NALF1: variants seen among roughly 807,000 people sequenced by gnomAD.
NALF1 encodes family with sequence similarity 155 member A.
NALF1 carries 3 observed loss-of-function variants against 48.4 expected under a neutral mutation model. The ratio of observed to expected loss-of-function variants is 0.06; its 90% CI spans 0.03 to 0.16. The LOEUF (loss-of-function observed/expected upper bound fraction) is 0.16. NALF1 is among the 10% of genes least tolerant of loss of function. NALF1 has a pLI of 1.00. For missense variants in NALF1, 526 were observed against 571.5 expected (o/e 0.92, Z 0.81); for synonymous variants, 262 against 245.7 (o/e 1.07, Z -0.62).
intron 1 of NALF1, among the ~76,000 whole-genome samples, chr13:107,440,214 A>G (rs139187224): frequency 1.3e-5 from 2 of 152,310 alleles, no homozygotes; most frequent in African/African-American, 4.8e-5. Flanking sequence ...AATACAATTA[A>G]ACACTTTGTC....
At chr13:107,721,670 G>A (rs189735931) in intron 1 of NALF1, among the ~76,000 whole-genome samples, 7 of 152,246 alleles carry the variant, frequency 4.6e-5, no homozygotes, top group Non-Finnish European at 1.0e-4. Context: ...TTTTCTGGCA[G>A]AATCCAAACA....
At chr13:107,840,191 T>C (rs1484077139) in intron 1 of NALF1, among the ~76,000 whole-genome samples, 2 of 152,152 alleles carry the variant, frequency 1.3e-5, no homozygotes, top group South Asian at 2.1e-4. Flanking sequence ...CATGCAACTA[T>C]ACGAATAGGA....
chr13:107,411,402 C>T (rs1476550578), intron 1 of NALF1, among the ~76,000 whole-genome samples: 1 of 151,314 alleles, frequency 6.6e-6, no homozygotes, highest in African/African-American at 2.4e-5. Flanking sequence ...CCCTTGACCT[C>T]CTATGCTCAA....
rs139895262 is a variant in NALF1, at chr13:107,590,820, T to C, written c.915+274862A>G. On this transcript the variant is annotated intron_variant, in intron 1 of 2. Transcript: ENST00000375915. Reference sequence around the variant, plus strand: ...CCAAGCACCTTTCTCATGTACAGTTTTGATGACTCTCCTGCTCAATCATCA... The same window carrying C: ...CCAAGCACCTTTCTCATGTACAGTTCTGATGACTCTCCTGCTCAATCATCA... 4.9e-4 allele frequency among the ~76,000 whole-genome samples: 74 copies of C among 152,104 alleles called. 3 individuals are homozygous for C. The East Asian group carries it at 0.012, about 24-fold the overall frequency.
rs5806653 is a variant in NALF1, at chr13:107,401,692, G to GA, written c.916-190938dup. Among the ~76,000 whole-genome samples, 204 of 147,390 alleles carry GA rather than the reference G, an allele frequency of 1.4e-3. 3 individuals carry two copies. Among genetic ancestry groups the GA allele is most frequent in the African/African-American group, 3.8e-3 (152 of 40,382 alleles). On this transcript the variant is annotated intron_variant, in intron 1 of 2. Transcript: ENST00000375915. Reference sequence around the variant, plus strand: ...ACCCAACAGAAATAGTTGTTACTTTGAAAAAAAAAAAACAATGTTGAATTT... The same window carrying GA: ...ACCCAACAGAAATAGTTGTTACTTTGAAAAAAAAAAAAACAATGTTGAATTT...
chr13:107,339,970 C>T (rs1882637049), intron 1 of NALF1, among the ~76,000 whole-genome samples: 1 of 152,072 alleles, frequency 6.6e-6, no homozygotes, highest in Admixed American at 6.6e-5. Context: ...TCAATTCTCT[C>T]ATTATATTTC....
intron 1 of NALF1, among the ~76,000 whole-genome samples, chr13:107,579,305 G>A (rs545021587): frequency 1.6e-4 from 24 of 152,190 alleles, no homozygotes; most frequent in Non-Finnish European, 2.4e-4. Context: ...TGGCAAGACC[G>A]GTCTTGAACT....
intron 1 of NALF1, among the ~76,000 whole-genome samples, chr13:107,674,239 C>G (rs908460855): frequency 6.6e-6 from 1 of 152,016 alleles, no homozygotes; most frequent in African/African-American, 2.4e-5. Flanking sequence ...CCAGATATAA[C>G]CCACAAACAA....
intron 1 of NALF1, among the ~76,000 whole-genome samples, chr13:107,767,929 A>G (rs941948313): frequency 1.3e-5 from 2 of 152,158 alleles, no homozygotes; most frequent in African/African-American, 4.8e-5. Flanking sequence ...TGAAGTAGAG[A>G]CACGTTGAGA....
intron 2 of NALF1, among the ~76,000 whole-genome samples, chr13:107,180,713 GTTCT>G (rs1329164936): frequency 3.3e-5 from 5 of 151,584 alleles, no homozygotes; most frequent in East Asian, 1.9e-4. Flanking sequence ...CTACTTTGCT[GTTCT>G]TTGACTTTCC....
At chr13:107,847,176 AAATTT>A (rs1432969961) in intron 1 of NALF1, among the ~76,000 whole-genome samples, 1 of 152,190 alleles carries the variant, frequency 6.6e-6, no homozygotes, top group Non-Finnish European at 1.5e-5. Flanking sequence ...ATGCCTAATA[AAATTT>A]AATTTACCTA....
At chr13:107,718,827 A>C (rs1875899351) in intron 1 of NALF1, among the ~76,000 whole-genome samples, 1 of 152,212 alleles carries the variant, frequency 6.6e-6, no homozygotes, top group Admixed American at 6.5e-5. Context: ...TAACATTAAA[A>C]ATTCATTTCC....
At chr13:107,195,929 A>C (rs1879380419) in intron 2 of NALF1, among the ~76,000 whole-genome samples, 1 of 152,236 alleles carries the variant, frequency 6.6e-6, no homozygotes, top group African/African-American at 2.4e-5. Context: ...GGCTAGATGA[A>C]GAAAACGTGG....
At position 107,683,161 on chromosome 13, in the gene NALF1, T is replaced by C. The variant is rs76688707; in HGVS notation, c.915+182521A>G. 2.9e-3 allele frequency among the ~76,000 whole-genome samples: 435 copies of C among 152,078 alleles called. 2 individuals are homozygous for C. Among genetic ancestry groups the C allele is most frequent in the African/African-American group, 0.01 (417 of 41,492 alleles). On this transcript the variant is annotated intron_variant, in intron 1 of 2. Coordinates refer to ENST00000375915, the MANE Select transcript of NALF1 (RefSeq NM_001080396.3). ...ACCTGTGGTCCTAGCAGTGGGAGGA[T>C]TGCTTGAGCCAGGGAGGTCGAGGCT...
chr13:107,726,460 T>A (rs1412182514), intron 1 of NALF1, among the ~76,000 whole-genome samples: 1 of 152,152 alleles, frequency 6.6e-6, no homozygotes, highest in African/African-American at 2.4e-5. Context: ...TCACACTAGA[T>A]ACATGATACT....
intron 1 of NALF1, among the ~76,000 whole-genome samples, chr13:107,766,468 G>T (rs1024397456): frequency 2.0e-5 from 3 of 152,118 alleles, no homozygotes; most frequent in Non-Finnish European, 4.4e-5. Flanking sequence ...CTACAAGATT[G>T]ACTGAAACGC....
intron 1 of NALF1, among the ~76,000 whole-genome samples, chr13:107,759,625 G>A (rs977454042): frequency 7.2e-5 from 11 of 152,166 alleles, no homozygotes; most frequent in Non-Finnish European, 1.3e-4. Flanking sequence ...GCTAATTCCA[G>A]TCTTCAACAT....
chr13:107,340,505 CTTTT>C (rs1882659410), intron 1 of NALF1, among the ~76,000 whole-genome samples: 2 of 135,570 alleles, frequency 1.5e-5, no homozygotes, highest in Non-Finnish European at 3.1e-5. Flanking sequence ...TTCTTTCTTT[CTTTT>C]CTTTCTTTCT....
At chr13:107,470,089 G>A (rs1209516849) in intron 1 of NALF1, among the ~76,000 whole-genome samples, 1 of 151,818 alleles carries the variant, frequency 6.6e-6, no homozygotes, top group Non-Finnish European at 1.5e-5. Context: ...ATCCCTCTTA[G>A]GTAATAAATC....
Sources: gnomAD v4.1 joint callset for allele counts (sites outside exome capture counted in the v4.1 genomes callset) on GRCh38, gnomAD v4.1.1 for gene constraint, MANE v1.5 for transcripts, NCBI Gene and HGNC (gene_info 2026-07-23, HGNC 2026-07-21) for gene names.